AKAP13: variants seen among roughly 807,000 people sequenced by gnomAD.
AKAP13 encodes the protein A-kinase anchor protein 13.
In AKAP13, 80 loss-of-function variants were observed where a neutral mutation model predicts 264.5. That is an observed-to-expected ratio of 0.30 (90% CI 0.25 to 0.36). The LOEUF (loss-of-function observed/expected upper bound fraction) is 0.36, where lower values mean the gene tolerates loss of function less well. Ranked by LOEUF, AKAP13 falls within the 10% of genes least tolerant of loss-of-function variation. The probability of loss-of-function intolerance (pLI) is 1.00; values close to 1 mark genes in which losing one functional copy is unlikely to be tolerated. For synonymous variants in AKAP13, 1,380 were observed against 1,250.2 expected (o/e 1.10, Z -2.19); for missense variants, 3,712 against 3,435.2 (o/e 1.08, Z -2.01).
rs147769367 is a variant in AKAP13 at position 85,620,091 on chromosome 15, A to T, written c.4162-19283A>T. The T allele has an allele frequency of 1.5e-4, 224 of 1,536,038 alleles. No individual in the cohort carries two copies. In the Middle Eastern group the frequency reaches 3.8e-3, roughly 26 times the overall value. ...TCTGTTCTTTCTTGCATTTGGGCAAAATGTATGAACGGCACAAGAGGCGCT... is the reference window on the plus strand; with the variant it reads ...TCTGTTCTTTCTTGCATTTGGGCAATATGTATGAACGGCACAAGAGGCGCT... On this transcript the variant is annotated intron_variant, in intron 8 of 36. Coordinates refer to ENST00000394518, the MANE Select transcript of AKAP13 (RefSeq NM_007200.5).
intron 1 of AKAP13, among the ~76,000 whole-genome samples, chr15:85,434,484 C>T (rs2073178016): frequency 6.6e-6 from 1 of 152,206 alleles, no homozygotes; most frequent in Non-Finnish European, 1.5e-5. Flanking sequence ...TCAAGAAGGC[C>T]TGCCTGCCTC....
intron 5 of AKAP13, among the ~76,000 whole-genome samples, chr15:85,564,758 A>G (rs151287568): frequency 3.2e-4 from 48 of 152,298 alleles, no homozygotes; most frequent in African/African-American, 1.1e-3. Context: ...GTAAAAGAGA[A>G]GAATATTTGT....
intron 8 of AKAP13, among the ~76,000 whole-genome samples, chr15:85,626,227 C>T (rs2081405650): frequency 6.6e-6 from 1 of 152,230 alleles, no homozygotes; most frequent in African/African-American, 2.4e-5. Flanking sequence ...CTAACTGCTG[C>T]TCATTCATTT....
chr15:85,461,100 G>A (rs1385096574), intron 1 of AKAP13, among the ~76,000 whole-genome samples: 1 of 149,878 alleles, frequency 6.7e-6, no homozygotes, highest in Non-Finnish European at 1.5e-5. Flanking sequence ...TTAAGGACAA[G>A]GACTGTATAA....
At chr15:85,442,423 A>AATAT (rs1555429952) in intron 1 of AKAP13, among the ~76,000 whole-genome samples, 3 of 105,930 alleles carry the variant, frequency 2.8e-5, no homozygotes, top group South Asian at 2.6e-4. Flanking sequence ...AAAAAAAAAA[A>AATAT]ATATATATAT....
intron 1 of AKAP13, among the ~76,000 whole-genome samples, chr15:85,456,548 C>T (rs973873899): frequency 9.3e-5 from 12 of 128,912 alleles, no homozygotes; most frequent in Non-Finnish European, 3.2e-5. Context: ...AGCCCACTTT[C>T]TGTTTTTTTT....
rs1195981112 is a variant in AKAP13 at position 85,724,219 on chromosome 15, G to A, written c.6745+899G>A. On this transcript the variant is annotated intron_variant, in intron 26 of 36. Coordinates refer to ENST00000394518, the MANE Select transcript of AKAP13 (RefSeq NM_007200.5). The surrounding 1 kb of genome is among the most constrained non-coding windows in gnomAD (Gnocchi z 4.2). ...GATAACTGCTATAGGAAATGCCCAC[G>A]CATAGAACAAATGGTAAAGAAGTTC... 3.9e-5 allele frequency among the ~76,000 whole-genome samples: 6 copies of A among 152,172 alleles called. No individual in the cohort carries two copies. The highest frequency in any genetic ancestry group is 4.1e-4 in the South Asian group (2 of 4,832).
rs1370015694 is a variant in AKAP13 at position 85,743,487 on chromosome 15, T to C, written c.8059-5T>C. The C allele has an allele frequency of 1.2e-6, 2 of 1,612,516 alleles. No homozygotes were observed. Among genetic ancestry groups the C allele is most frequent in the Non-Finnish European group, 1.7e-6 (2 of 1,178,974 alleles). ...AGTGAAAACCCTTCTCTTGAATATG[T>C]ACAGGTTTCCCATCCACATACCAAG... On this transcript the variant is annotated splice_region_variant and splice_polypyrimidine_tract_variant and intron_variant, in intron 35 of 36. Coordinates refer to ENST00000394518, the MANE Select transcript of AKAP13 (RefSeq NM_007200.5).
intron 1 of AKAP13, among the ~76,000 whole-genome samples, chr15:85,460,684 G>C (rs2150999072): frequency 6.6e-6 from 1 of 152,340 alleles, no homozygotes; most frequent in Middle Eastern, 3.4e-3. Flanking sequence ...ATCTTTAAAA[G>C]CAGAGAACCT....
chr15:85,556,645 A>T (rs185370083), intron 5 of AKAP13, among the ~76,000 whole-genome samples: 1 of 152,290 alleles, frequency 6.6e-6, no homozygotes, highest in East Asian at 1.9e-4. Flanking sequence ...TCATTTCATA[A>T]CATTTTTCTC....
At chr15:85,546,029 A>G (rs74441206) in intron 5 of AKAP13, among the ~76,000 whole-genome samples, 38 of 152,184 alleles carry the variant, frequency 2.5e-4, no homozygotes, top group African/African-American at 5.5e-4. Flanking sequence ...TTCTGTCTCT[A>G]AGAATTTGCC....
chr15:85,514,219 G>A (rs1432331972), intron 2 of AKAP13, among the ~76,000 whole-genome samples: 1 of 137,202 alleles, frequency 7.3e-6, no homozygotes, highest in South Asian at 2.2e-4. Context: ...CAGTCAGCCC[G>A]TCATTCTGTG....
intron 26 of AKAP13, chr15:85,726,209 C>G (rs975730924): frequency 8.8e-6 from 4 of 452,574 alleles, no homozygotes; most frequent in Non-Finnish European, 1.6e-5. Context: ...TTTTAAAATG[C>G]TGCTAAAAAT....
intron 6 of AKAP13, among the ~76,000 whole-genome samples, chr15:85,578,612 G>C (rs184869899): frequency 1.4e-4 from 21 of 152,220 alleles, no homozygotes; most frequent in African/African-American, 4.8e-4. Context: ...CCAAAGTGCT[G>C]GGATTACAGG....
At chr15:85,423,042 C>A (rs960936217) in intron 1 of AKAP13, among the ~76,000 whole-genome samples, 1 of 152,132 alleles carries the variant, frequency 6.6e-6, no homozygotes, top group Admixed American at 6.5e-5. Flanking sequence ...ACTGTACATC[C>A]CTTAATTGAA....
At chr15:85,672,881 A>G (rs954617884) in intron 14 of AKAP13, among the ~76,000 whole-genome samples, 2 of 152,246 alleles carry the variant, frequency 1.3e-5, no homozygotes, top group Non-Finnish European at 2.9e-5. Context: ...AGCTTAAGCA[A>G]GGTTAAACAT....
rs2079118892 is a variant in AKAP13 at position 85,579,826 on chromosome 15, T to C, written c.1758T>C (p.Ser586=). ...CTGATGCTCCAGTAGATCAGAATTC[T>C]GTGGTGATTCCAGCTGCTGCAAAAG... The part of the protein sequence containing the change: ...ESADAPVDQN[S]VVIPAAAKDK... The change falls in exon 7 of 37, where the codon TCT becomes TCC. Residue 586 remains serine (S), a synonymous_variant. Transcript: ENST00000394518. The C allele has an allele frequency of 1.9e-6, 3 of 1,614,232 alleles. No homozygotes were observed. The highest frequency in any genetic ancestry group is 4.5e-5 in the East Asian group (2 of 44,890).
At chr15:85,392,802 G>A (rs1391349253) in intron 1 of AKAP13, among the ~76,000 whole-genome samples, 1 of 152,088 alleles carries the variant, frequency 6.6e-6, no homozygotes. Context: ...TTGTTGAAAG[G>A]GTACTTTATG....
chr15:85,721,848 A>G, intron 23 of AKAP13, 143 bp from the exon 24 acceptor site: 1 of 1,361,146 alleles, frequency 7.3e-7, no homozygotes, highest in Non-Finnish European at 9.9e-7. Flanking sequence ...ACTGCTTTCC[A>G]AAGCTGCTGC....
Sources: allele counts gnomAD v4.1 joint callset (sites outside exome capture counted in the v4.1 genomes callset), GRCh38; gene constraint gnomAD v4.1.1; non-coding constraint Gnocchi (gnomAD v3.1); transcripts MANE v1.5; gene names NCBI Gene and HGNC (gene_info 2026-07-23, HGNC 2026-07-21).